Variants in THSD4 observed in about 807,000 individuals in gnomAD.
THSD4 encodes thrombospondin type 1 domain containing 4, also known as thrombospondin type-1 domain-containing protein 4.
A neutral mutation model predicts 119.0 loss-of-function variants in THSD4; 69 were observed. The observed-to-expected ratio is 0.58, with a 90% CI of 0.48 to 0.71. THSD4 has a LOEUF of 0.71. Ranked by LOEUF, THSD4 falls within the 30% of genes least tolerant of loss-of-function variation. THSD4 has a pLI of 0.00. For missense variants in THSD4, 1,393 were observed against 1,391.1 expected, an observed-to-expected ratio of 1.00 and a Z score of -0.02; for synonymous variants, 524 against 540.4, an observed-to-expected ratio of 0.97 and a Z score of 0.42.
At chr15:71,658,431 G>A (rs1018333538) in intron 7 of THSD4, among the ~76,000 whole-genome samples, 10 of 152,284 alleles carry the variant, frequency 6.6e-5, no homozygotes, top group African/African-American at 2.2e-4. Flanking sequence ...GTTGGGAAGG[G>A]AGGGAGTGTG....
intron 6 of THSD4, among the ~76,000 whole-genome samples, chr15:71,292,798 T>C (rs889153880): frequency 2.6e-5 from 4 of 150,974 alleles, no homozygotes; most frequent in African/African-American, 9.7e-5. Flanking sequence ...TGCCTCAGCC[T>C]CCCGAGTAGC....
intron 15 of THSD4, among the ~76,000 whole-genome samples, chr15:71,759,504 CACTT>C (rs1334059470): frequency 6.6e-6 from 1 of 152,202 alleles, no homozygotes; most frequent in Non-Finnish European, 1.5e-5. Context: ...ATATGGGAAA[CACTT>C]AATAAATATT....
intron 3 of THSD4, among the ~76,000 whole-genome samples, chr15:71,205,605 T>C (rs1316272567): frequency 6.6e-6 from 1 of 152,230 alleles, no homozygotes; most frequent in Admixed American, 6.5e-5. Context: ...ATTTACATAA[T>C]AATTTCTATT....
At chr15:71,629,734 C>G (rs953413348) in intron 7 of THSD4, among the ~76,000 whole-genome samples, 2 of 152,188 alleles carry the variant, frequency 1.3e-5, no homozygotes, top group Non-Finnish European at 1.5e-5. Context: ...GTAAGCTTCT[C>G]TTTGTTTATT....
intron 1 of THSD4, among the ~76,000 whole-genome samples, chr15:71,122,273 G>A (rs2040415127): frequency 6.6e-6 from 1 of 152,124 alleles, no homozygotes; most frequent in South Asian, 2.1e-4. Context: ...TCAACAACCT[G>A]TGTGAACTAG....
intron 6 of THSD4, among the ~76,000 whole-genome samples, chr15:71,399,547 C>G (rs967400522): frequency 6.6e-6 from 1 of 152,216 alleles, no homozygotes; most frequent in African/African-American, 2.4e-5. Context: ...ACTAACCTTT[C>G]ATTTAAGTAG....
chr15:71,378,612 G>C (rs1460521348), intron 6 of THSD4, among the ~76,000 whole-genome samples: 1 of 152,208 alleles, frequency 6.6e-6, no homozygotes, highest in Non-Finnish European at 1.5e-5. Context: ...GCTTCGTCCT[G>C]CCAGTTGCAC....
intron 8 of THSD4, among the ~76,000 whole-genome samples, chr15:71,680,467 T>G (rs1353826493): frequency 1.3e-5 from 2 of 152,082 alleles, no homozygotes; most frequent in African/African-American, 4.8e-5. Flanking sequence ...TAATTTCTGT[T>G]GGTAGGGTAA....
At chr15:71,658,923 G>A (rs2051243151) in intron 7 of THSD4, among the ~76,000 whole-genome samples, 1 of 152,204 alleles carries the variant, frequency 6.6e-6, no homozygotes, top group Non-Finnish European at 1.5e-5. Flanking sequence ...CCTGCAGAAA[G>A]GTTTCAATCA....
intron 7 of THSD4, among the ~76,000 whole-genome samples, chr15:71,588,582 C>G (rs569667086): frequency 6.6e-6 from 1 of 151,922 alleles, no homozygotes; most frequent in Admixed American, 6.5e-5. Flanking sequence ...TGCCACCACA[C>G]CCGGCTAATT....
At chr15:71,430,968 A>G (rs183912026) in intron 7 of THSD4, among the ~76,000 whole-genome samples, 2 of 152,186 alleles carry the variant, frequency 1.3e-5, no homozygotes, top group East Asian at 1.9e-4. Context: ...AGTGTTTCCA[A>G]TTGTGTTCTG....
intron 7 of THSD4, among the ~76,000 whole-genome samples, chr15:71,446,754 T>C (rs943719034): frequency 6.6e-6 from 1 of 152,176 alleles, no homozygotes; most frequent in African/African-American, 2.4e-5. Flanking sequence ...TGTGGCCTCC[T>C]CAGGGTCACT....
At chr15:71,180,277 T>C (rs574828388) in intron 3 of THSD4, among the ~76,000 whole-genome samples, 5 of 151,424 alleles carry the variant, frequency 3.3e-5, no homozygotes, top group African/African-American at 1.2e-4. Flanking sequence ...CCAGAGTATA[T>C]AGAGAACTTA....
chr15:71,720,703 T>C (rs768766959), intron 8 of THSD4, among the ~76,000 whole-genome samples: 4 of 152,184 alleles, frequency 2.6e-5, no homozygotes, highest in Non-Finnish European at 1.5e-5. Flanking sequence ...TGCCCATGTG[T>C]GGGATTCCAT....
chr15:71,671,522 C>A (rs1357981791), intron 8 of THSD4, among the ~76,000 whole-genome samples: 1 of 152,150 alleles, frequency 6.6e-6, no homozygotes, highest in Non-Finnish European at 1.5e-5. Context: ...GCTTTTGTTG[C>A]CATTGCTTTT....
At chr15:71,409,047 A>G (rs1318610004) in intron 6 of THSD4, among the ~76,000 whole-genome samples, 1 of 152,032 alleles carries the variant, frequency 6.6e-6, no homozygotes, top group Non-Finnish European at 1.5e-5. Context: ...CAGTGTCCCC[A>G]GTGTCTACTG....
intron 7 of THSD4, among the ~76,000 whole-genome samples, chr15:71,539,616 T>C (rs1033486390): frequency 1.3e-5 from 2 of 152,230 alleles, no homozygotes; most frequent in Admixed American, 1.3e-4. Context: ...CCACTAACAT[T>C]TTCTCTTTTT....
chr15:71,758,841 A>G (rs1384517332), intron 15 of THSD4, among the ~76,000 whole-genome samples: 1 of 152,242 alleles, frequency 6.6e-6, no homozygotes, highest in African/African-American at 2.4e-5. Flanking sequence ...TTGGAAAAAA[A>G]TGCACTGCCT....
chr15:71,202,928 C>T (rs1222359522), intron 3 of THSD4, among the ~76,000 whole-genome samples: 1 of 152,148 alleles, frequency 6.6e-6, no homozygotes, highest in African/African-American at 2.4e-5. Flanking sequence ...GCGGGCAGAA[C>T]ACAAAAATAA....
Sources: allele counts gnomAD v4.1 joint callset (sites outside exome capture counted in the v4.1 genomes callset), GRCh38; gene constraint gnomAD v4.1.1; transcripts MANE v1.5; gene names NCBI Gene and HGNC (gene_info 2026-07-23, HGNC 2026-07-21).